UBASH3B: variants seen among roughly 807,000 people sequenced by gnomAD.
UBASH3B encodes ubiquitin associated and SH3 domain containing B.
A neutral mutation model predicts 83.4 loss-of-function variants in UBASH3B; 37 were observed. The observed-to-expected ratio is 0.44, with a 90% CI of 0.34 to 0.58. UBASH3B has a LOEUF of 0.58. Ranked by LOEUF, UBASH3B falls within the 20% of genes least tolerant of loss-of-function variation. The pLI is 0.01. For synonymous variants in UBASH3B, 304 were observed against 318.3 expected (o/e 0.96, Z 0.48); for missense variants, 657 against 827.2 (o/e 0.79, Z 2.52).
At chr11:122,748,331 G>T (rs1189693569) in intron 1 of UBASH3B, among the ~76,000 whole-genome samples, 1 of 152,168 alleles carries the variant, frequency 6.6e-6, no homozygotes, top group African/African-American at 2.4e-5. Flanking sequence ...AAGCAGAGAG[G>T]ATAGTGTAAT....
chr11:122,768,133 G>C (rs7125895), intron 1 of UBASH3B, among the ~76,000 whole-genome samples: 2,690 of 152,234 alleles, frequency 0.018, 92 homozygotes, highest in African/African-American at 0.06. Context: ...TCTTGGGAGA[G>C]ATTTTTCCCT....
At chr11:122,710,042 G>T (rs1864171239) in intron 1 of UBASH3B, among the ~76,000 whole-genome samples, 2 of 151,470 alleles carry the variant, frequency 1.3e-5, no homozygotes, top group Non-Finnish European at 2.9e-5. Context: ...TATAATCCTA[G>T]CTACTTGGGA....
chr11:122,786,694 A>G (rs1860959571), intron 5 of UBASH3B, among the ~76,000 whole-genome samples: 1 of 152,210 alleles, frequency 6.6e-6, no homozygotes, highest in Admixed American at 6.5e-5. Flanking sequence ...GATGGCAAAC[A>G]TAAAACAAAA....
chr11:122,775,496 G>C (rs1860716042), intron 1 of UBASH3B: 1 of 152,336 alleles, frequency 6.6e-6, no homozygotes, highest in Admixed American at 6.5e-5. Context: ...GGTTGGAAGT[G>C]GGTAGAGGGA....
intron 1 of UBASH3B, among the ~76,000 whole-genome samples, chr11:122,737,701 G>A (rs900224115): frequency 2.6e-5 from 4 of 152,010 alleles, no homozygotes; most frequent in African/African-American, 9.7e-5. Context: ...AGCAAAATTG[G>A]CGGGGAAAAA....
At chr11:122,809,223 T>A (rs1381275907) in intron 13 of UBASH3B, among the ~76,000 whole-genome samples, 2 of 152,146 alleles carry the variant, frequency 1.3e-5, no homozygotes, top group East Asian at 1.9e-4. Context: ...TACAGGCACA[T>A]GCCACCACGC....
intron 1 of UBASH3B, among the ~76,000 whole-genome samples, chr11:122,722,383 G>T (rs545638909): frequency 2.0e-5 from 3 of 152,314 alleles, no homozygotes; most frequent in Non-Finnish European, 4.4e-5. Context: ...TTGCTGCACG[G>T]GTCCATTTCT....
intron 1 of UBASH3B, among the ~76,000 whole-genome samples, chr11:122,670,810 T>C (rs2135899325): frequency 6.6e-6 from 1 of 152,276 alleles, no homozygotes; most frequent in Admixed American, 6.5e-5. Flanking sequence ...TTGCCCAGGC[T>C]GGAGTGCAAT....
chr11:122,772,751 C>A (rs1860668911), intron 1 of UBASH3B, among the ~76,000 whole-genome samples: 1 of 152,172 alleles, frequency 6.6e-6, no homozygotes, highest in Admixed American at 6.5e-5. Context: ...GTGGGAAGGA[C>A]CACTGCTCAC....
At chr11:122,803,993 A>G (rs968057263) in intron 11 of UBASH3B, among the ~76,000 whole-genome samples, 1 of 152,066 alleles carries the variant, frequency 6.6e-6, no homozygotes, top group African/African-American at 2.4e-5. Flanking sequence ...AGTCATTCAC[A>G]GGCTCCACTT....
In UBASH3B at chr11:122,810,015, CT is replaced by C. The variant is rs1861412664; in HGVS notation, c.*131del. 8.9e-7 allele frequency: 1 copy of C among 1,124,958 alleles called. No individual in the cohort carries two copies. Among genetic ancestry groups the C allele is most frequent in the East Asian group, 2.4e-5 (1 of 41,320 alleles). 69.7% of individuals were successfully genotyped at this position (1,124,958 alleles called of 1,614,324 possible). On this transcript the variant is annotated 3_prime_UTR_variant, in exon 14 of 14. Coordinates refer to ENST00000284273, the MANE Select transcript of UBASH3B (RefSeq NM_032873.5). ...ATAATTTAGCATATTTCCTTTCACACTTAAAGTTCTTAAGATGAGACTGTGT... is the reference window on the plus strand; with the variant it reads ...ATAATTTAGCATATTTCCTTTCACACTAAAGTTCTTAAGATGAGACTGTGT...
In UBASH3B at chr11:122,720,099, C is replaced by T. The variant is rs1466244808; in HGVS notation, c.162-56120C>T. Reference sequence around the variant, plus strand: ...CCAAACTCCTGGCTTTATGTACTATCCATATGCTGACAACTCCTGCACTTA... The same window carrying T: ...CCAAACTCCTGGCTTTATGTACTATTCATATGCTGACAACTCCTGCACTTA... On this transcript the variant is annotated intron_variant, in intron 1 of 13. Transcript: ENST00000284273. Among the ~76,000 whole-genome samples the T allele has an allele frequency of 6.6e-5, 10 of 152,264 alleles. No individual in the cohort carries two copies. The South Asian group carries it at 1.9e-3, about 28-fold the overall frequency.
intron 2 of UBASH3B, 117 bp from the exon 3 acceptor site, chr11:122,776,907 C>T (rs1472389570): frequency 2.2e-6 from 2 of 925,976 alleles, no homozygotes; most frequent in African/African-American, 1.7e-5. Flanking sequence ...AATGAAAACC[C>T]TTCCCCGCGC....
chr11:122,737,138 A>G (rs4936736), intron 1 of UBASH3B, among the ~76,000 whole-genome samples: 76,379 of 151,984 alleles, frequency 0.5, 19,727 homozygotes, highest in African/African-American at 0.58. Context: ...GCCAGAAAAT[A>G]GAGCATACAG....
chr11:122,706,732 A>G (rs924506166), intron 1 of UBASH3B, among the ~76,000 whole-genome samples: 2 of 152,230 alleles, frequency 1.3e-5, no homozygotes, highest in Non-Finnish European at 2.9e-5. Flanking sequence ...AAGAAGAAAC[A>G]TATATGTACG....
rs777088194 is a variant in UBASH3B at position 122,723,024 on chromosome 11, G to A, written c.162-53195G>A. On this transcript the variant is annotated intron_variant, in intron 1 of 13. Transcript: ENST00000284273. ...CCGGCCCAGACCTGGTATTTCTTTC[G>A]CCATGGGGCTATAATACTGCCAGCC... is the stretch of plus-strand genomic sequence containing the variant. 1.8e-4 allele frequency among the ~76,000 whole-genome samples: 28 copies of A among 152,178 alleles called. No individual in the cohort carries two copies. The East Asian group carries it at 3.7e-3, about 20-fold the overall frequency.
At chr11:122,720,065 T>G (rs549113276) in intron 1 of UBASH3B, among the ~76,000 whole-genome samples, 2 of 152,098 alleles carry the variant, frequency 1.3e-5, no homozygotes, top group African/African-American at 4.8e-5. Flanking sequence ...CTCACCCCCA[T>G]AGTAGTCTCC....
At chr11:122,666,051 A>G (rs1346095918) in intron 1 of UBASH3B, among the ~76,000 whole-genome samples, 2 of 152,232 alleles carry the variant, frequency 1.3e-5, no homozygotes, top group African/African-American at 2.4e-5. Context: ...GGAAGCTGAA[A>G]GAACCACCGC....
At chr11:122,675,775 C>T (rs1246865442) in intron 1 of UBASH3B, among the ~76,000 whole-genome samples, 3 of 152,132 alleles carry the variant, frequency 2.0e-5, no homozygotes, top group Admixed American at 2.0e-4. Flanking sequence ...AATCACAAAA[C>T]AAGGAGGCAC....
Sources: allele counts gnomAD v4.1 joint callset (sites outside exome capture counted in the v4.1 genomes callset), GRCh38; gene constraint gnomAD v4.1.1; transcripts MANE v1.5; gene names NCBI Gene and HGNC (gene_info 2026-07-23, HGNC 2026-07-21).